The following TSPAN18 variants were observed in gnomAD, a reference collection of about 807,000 sequenced individuals.
TSPAN18 encodes the protein tetraspanin-18.
Under a neutral mutation model 27.3 loss-of-function variants are expected in TSPAN18, and 14 were observed. The ratio of observed to expected loss-of-function variants is 0.51; its 90% CI spans 0.34 to 0.80. The LOEUF is 0.80. Among genes scored for constraint, TSPAN18 ranks in the 30% least tolerant of loss-of-function variants. The pLI is 0.01. For synonymous variants in TSPAN18, 143 were observed against 136.5 expected (o/e 1.05, Z -0.33); for missense variants, 268 against 323.9 (o/e 0.83, Z 1.32).
intron 1 of TSPAN18, among the ~76,000 whole-genome samples, chr11:44,730,410 T>C (rs1157694780): frequency 6.6e-6 from 1 of 152,136 alleles, no homozygotes; most frequent in Non-Finnish European, 1.5e-5. Flanking sequence ...ATCAGGAACA[T>C]TTGTTCATGC....
intron 3 of TSPAN18, among the ~76,000 whole-genome samples, chr11:44,881,847 T>C (rs922410369): frequency 6.6e-6 from 1 of 152,214 alleles, no homozygotes; most frequent in Non-Finnish European, 1.5e-5. Context: ...GTTTGTCTCT[T>C]CTCAGAACAT....
intron 1 of TSPAN18, among the ~76,000 whole-genome samples, chr11:44,738,870 C>T (rs144568798): frequency 6.6e-6 from 1 of 152,316 alleles, no homozygotes; most frequent in East Asian, 1.9e-4. Context: ...AACCAGGGCA[C>T]AGAGAGGTTA....
intron 2 of TSPAN18, among the ~76,000 whole-genome samples, chr11:44,777,776 T>C (rs1855847826): frequency 6.6e-6 from 1 of 152,136 alleles, no homozygotes; most frequent in African/African-American, 2.4e-5. Context: ...CAACTCCTTG[T>C]AGTCTTTATG....
At chr11:44,887,766 T>C (rs568574404) in intron 3 of TSPAN18, among the ~76,000 whole-genome samples, 17 of 152,226 alleles carry the variant, frequency 1.1e-4, no homozygotes, top group Middle Eastern at 6.8e-3. Context: ...CTGCACCCTT[T>C]TCTGCTGGGG....
At chr11:44,830,769 A>T (rs1366277770) in intron 2 of TSPAN18, among the ~76,000 whole-genome samples, 3 of 152,224 alleles carry the variant, frequency 2.0e-5, no homozygotes, top group Non-Finnish European at 2.9e-5. Flanking sequence ...GGAAGATACC[A>T]GAGAGTGGTG....
At chr11:44,763,070 T>G (rs1189312695) in intron 1 of TSPAN18, among the ~76,000 whole-genome samples, 1 of 152,184 alleles carries the variant, frequency 6.6e-6, no homozygotes, top group East Asian at 1.9e-4. Flanking sequence ...GTTATTTAAC[T>G]CCTCTGAGCT....
intron 3 of TSPAN18, 94 bp from the exon 4 acceptor site, chr11:44,906,313 T>A: frequency 9.3e-7 from 1 of 1,075,796 alleles, no homozygotes; most frequent in South Asian, 1.2e-5. Flanking sequence ...TTTGCAAGGG[T>A]GGGGCTGGCT....
At chr11:44,735,802 TAG>T (rs766935288) in intron 1 of TSPAN18, among the ~76,000 whole-genome samples, 6 of 152,136 alleles carry the variant, frequency 3.9e-5, no homozygotes, top group Non-Finnish European at 8.8e-5. Context: ...TATTTTTTAG[TAG>T]AGACGGGTTT....
chr11:44,861,051 C>T (rs978831349), intron 3 of TSPAN18, among the ~76,000 whole-genome samples: 1 of 152,064 alleles, frequency 6.6e-6, no homozygotes, highest in Non-Finnish European at 1.5e-5. Flanking sequence ...GGTTTCAAGG[C>T]AGGCAGGGCT....
intron 2 of TSPAN18, among the ~76,000 whole-genome samples, chr11:44,851,454 A>G (rs937195230): frequency 3.3e-5 from 5 of 152,140 alleles, no homozygotes; most frequent in African/African-American, 1.2e-4. Flanking sequence ...CTCCCTGGAA[A>G]TGTCTCCATC....
intron 2 of TSPAN18, among the ~76,000 whole-genome samples, chr11:44,766,803 G>A (rs1855578158): frequency 6.6e-6 from 1 of 152,228 alleles, no homozygotes; most frequent in Non-Finnish European, 1.5e-5. Context: ...TGGGGTTTTG[G>A]AGCCAGAAGA....
intron 2 of TSPAN18, among the ~76,000 whole-genome samples, chr11:44,783,632 C>T (rs1177112542): frequency 1.3e-5 from 2 of 152,054 alleles, no homozygotes; most frequent in Admixed American, 6.6e-5. Context: ...CTCCTGACCT[C>T]GCAGTCCGCC....
At chr11:44,788,456 C>CTTTTTTTTTTTTTTTTTT (rs11458938) in intron 2 of TSPAN18, among the ~76,000 whole-genome samples, 1 of 126,804 alleles carries the variant, frequency 7.9e-6, no homozygotes. Context: ...CTTTTTTTCT[C>CTTTTTTTTTTTTTTTTTT]TTTTTTTTTT....
At chr11:44,804,045 C>T (rs1856538102) in intron 2 of TSPAN18, among the ~76,000 whole-genome samples, 1 of 152,140 alleles carries the variant, frequency 6.6e-6, no homozygotes, top group South Asian at 2.1e-4. Flanking sequence ...CATTGCTGTT[C>T]ATCATTACTT....
intron 3 of TSPAN18, among the ~76,000 whole-genome samples, chr11:44,865,229 C>T (rs1470360737): frequency 6.6e-6 from 1 of 152,212 alleles, no homozygotes; most frequent in Non-Finnish European, 1.5e-5. Flanking sequence ...CAAACGCCAG[C>T]TCTGAGGCTG....
At chr11:44,740,954 A>G (rs1160878422) in intron 1 of TSPAN18, among the ~76,000 whole-genome samples, 1 of 152,024 alleles carries the variant, frequency 6.6e-6, no homozygotes, top group African/African-American at 2.4e-5. Flanking sequence ...ATTTTTTTGT[A>G]TTTTTAGTAG....
intron 1 of TSPAN18, among the ~76,000 whole-genome samples, chr11:44,751,460 T>G (rs1317107945): frequency 6.6e-6 from 1 of 152,172 alleles, no homozygotes; most frequent in Non-Finnish European, 1.5e-5. Flanking sequence ...TCTCACAGTG[T>G]GGTGGTGAGG....
At chr11:44,890,700 G>A (rs1012814335) in intron 3 of TSPAN18, among the ~76,000 whole-genome samples, 11 of 134,774 alleles carry the variant, frequency 8.2e-5, no homozygotes, top group East Asian at 6.6e-4. Context: ...CCGAGATCAC[G>A]CCACTGCACT....
rs771176141 is a variant in TSPAN18, at chr11:44,918,049, A to T, written c.333+3A>T. The T allele has an allele frequency of 1.9e-6, 3 of 1,613,890 alleles. No homozygotes were observed. Among genetic ancestry groups the T allele is most frequent in the Non-Finnish European group, 2.5e-6 (3 of 1,179,996 alleles). On this transcript the variant is annotated splice_donor_region_variant and intron_variant, in intron 6 of 9. Transcript: ENST00000520358. ...TGGCCTTCATCTTCAGGGAAAATGT[A>T]CGTATCAGGCCCCAAGCTTTCCTGC... is the stretch of plus-strand genomic sequence containing the variant.
Sources: gnomAD v4.1 joint callset for allele counts (sites outside exome capture counted in the v4.1 genomes callset) on GRCh38, gnomAD v4.1.1 for gene constraint, MANE v1.5 for transcripts, NCBI Gene and HGNC (gene_info 2026-07-23, HGNC 2026-07-21) for gene names.